The following KLC1 variants were observed in gnomAD, a reference collection of about 807,000 sequenced individuals.
KLC1 encodes the protein kinesin light chain 1, also known as kinesin 2 60/70kDa.
In KLC1, 30 loss-of-function variants were observed where a neutral mutation model predicts 84.2. The observed-to-expected ratio is 0.36, with a 90% CI of 0.27 to 0.48. The LOEUF is 0.48. Ranked by LOEUF, KLC1 falls within the 20% of genes least tolerant of loss-of-function variation. KLC1 has a pLI of 0.99. For synonymous variants in KLC1, 289 were observed against 293.3 expected (o/e 0.99, Z 0.15); for missense variants, 499 against 805.4 (o/e 0.62, Z 4.60).
At chr14:103,667,906 A>T (rs189380408) in intron 5 of KLC1, among the ~76,000 whole-genome samples, 103 of 152,342 alleles carry the variant, frequency 6.8e-4, no homozygotes, top group Non-Finnish European at 1.2e-3. Flanking sequence ...AGTAGTGAGT[A>T]GCACGCTTAA....
chr14:103,662,168 A>G lies in KLC1; in HGVS notation c.545A>G (p.Asn182Ser), dbSNP rs141303465. 5.6e-6 allele frequency: 9 copies of G among 1,613,876 alleles called. No individual in the cohort carries two copies. The highest frequency in any genetic ancestry group is 2.7e-5 in the African/African-American group (2 of 74,908). Residue 182 changes from asparagine to serine, a missense_variant, in exon 4 of 17, where the codon AAT becomes AGT. Asn to Ser is a conservative substitution (Grantham distance 46). This residue lies in a region of KLC1 where 179 missense variants were observed against 264.2 expected (regional missense o/e 0.68). Transcript: ENST00000334553. ...GAGCCTCTGGATGACCTTTTCCCCA[A>G]TGATGAAGACGACCCAGGGCAAGGA... ...TKEPLDDLFP[N>S]DEDDPGQGIQ...
At chr14:103,653,987 C>T (rs2078659879) in intron 1 of KLC1, among the ~76,000 whole-genome samples, 1 of 152,180 alleles carries the variant, frequency 6.6e-6, no homozygotes, top group Non-Finnish European at 1.5e-5. Context: ...CACCCTGGGC[C>T]TGGCCCTGGT....
chr14:103,637,700 AT>A (rs1225576929), intron 1 of KLC1, among the ~76,000 whole-genome samples: 3 of 152,076 alleles, frequency 2.0e-5, no homozygotes, highest in Admixed American at 6.6e-5. Flanking sequence ...TTTTAAAAAA[AT>A]ATTTATGTAT....
At chr14:103,648,593 G>A (rs183470272) in intron 1 of KLC1, among the ~76,000 whole-genome samples, 54 of 151,984 alleles carry the variant, frequency 3.6e-4, no homozygotes, top group Admixed American at 2.4e-3. Flanking sequence ...GGCCAGCCTC[G>A]GCAACATGGC....
intron 1 of KLC1, among the ~76,000 whole-genome samples, chr14:103,644,266 C>T (rs2077724648): frequency 7.3e-6 from 1 of 136,206 alleles, no homozygotes; most frequent in African/African-American, 2.6e-5. Flanking sequence ...TTCTACGTGA[C>T]TTTTTTTTTT....
intron 1 of KLC1, among the ~76,000 whole-genome samples, chr14:103,646,777 TTTTTTTTG>T (rs2077973135): frequency 2.0e-5 from 3 of 151,734 alleles, no homozygotes; most frequent in Non-Finnish European, 4.4e-5. Context: ...GCCTAGCTAA[TTTTTTTTG>T]TTTTTTTGTA....
chr14:103,690,533 A>G (rs1223580662), intron 14 of KLC1, among the ~76,000 whole-genome samples: 16 of 152,204 alleles, frequency 1.1e-4, no homozygotes, highest in Non-Finnish European at 1.5e-5. Context: ...GCCTCATCCC[A>G]GTGTCCTGTG....
At chr14:103,690,444 G>A (rs182651332) in intron 14 of KLC1, among the ~76,000 whole-genome samples, 8 of 152,190 alleles carry the variant, frequency 5.3e-5, no homozygotes, top group Non-Finnish European at 1.2e-4. Context: ...GTTCGGCAGG[G>A]GCTGGCTGAG....
At chr14:103,646,347 G>A (rs1274142817) in intron 1 of KLC1, among the ~76,000 whole-genome samples, 3 of 152,122 alleles carry the variant, frequency 2.0e-5, no homozygotes, top group Non-Finnish European at 4.4e-5. Flanking sequence ...TGTCACCTAC[G>A]CTGGAGTGCA....
intron 15 of KLC1, chr14:103,697,475 A>G (rs2082640742): frequency 6.6e-6 from 1 of 152,190 alleles, no homozygotes; most frequent in South Asian, 2.1e-4. Context: ...AAGCTACTTA[A>G]CGGTTCTGGG....
At chr14:103,677,392 G>A in intron 11 of KLC1, 23 bp from the exon 12 acceptor site, 1 of 1,380,508 alleles carries the variant, frequency 7.2e-7, no homozygotes, top group Non-Finnish European at 1.0e-6. Context: ...TCATAGTTCT[G>A]TATGTCATGT....
chr14:103,679,306 TAGC>T, intron 12 of KLC1, 75 bp from the exon 13 acceptor site: 4 of 1,405,386 alleles, frequency 2.8e-6, no homozygotes, highest in Admixed American at 2.2e-5. Context: ...TTTTTTTTTC[TAGC>T]GAAGTATCTC....
intron 1 of KLC1, among the ~76,000 whole-genome samples, chr14:103,642,627 T>G (rs1050400527): frequency 1.3e-5 from 2 of 152,010 alleles, no homozygotes; most frequent in Non-Finnish European, 2.9e-5. Flanking sequence ...CTTCTTCTAG[T>G]GTTTGAATGT....
In KLC1 at chr14:103,701,345, A is replaced by G. The variant is rs537396063; in HGVS notation, c.*146A>G. ...CCTGCGTCTGTGTGCATAGGACATGATACTAATAACCACACGGCTGGCGTG... is the reference window on the plus strand; with the variant it reads ...CCTGCGTCTGTGTGCATAGGACATGGTACTAATAACCACACGGCTGGCGTG... On this transcript the variant is annotated 3_prime_UTR_variant, in exon 17 of 17. Transcript: ENST00000334553. The G allele has an allele frequency of 7.9e-5, 68 of 856,864 alleles. 2 individuals are homozygous for G. The Middle Eastern group carries it at 1.2e-3, about 16-fold the overall frequency. The allele number at this position is 856,864 out of a possible 1,614,324, so 53.1% of individuals were successfully genotyped here.
intron 13 of KLC1, among the ~76,000 whole-genome samples, chr14:103,684,222 C>G (rs998642758): frequency 2.0e-5 from 3 of 152,310 alleles, no homozygotes; most frequent in Middle Eastern, 6.8e-3. Flanking sequence ...AATAAATAAA[C>G]TTAAGCACTA....
intron 1 of KLC1, among the ~76,000 whole-genome samples, chr14:103,650,641 C>T (rs1050057417): frequency 1.4e-5 from 2 of 141,890 alleles, no homozygotes; most frequent in African/African-American, 5.3e-5. Context: ...TGCAGTGGTG[C>T]GATCTCAGCT....
At chr14:103,699,447 TG>T (rs2151909371) in intron 15 of KLC1, 1 of 1,612,538 alleles carries the variant, frequency 6.2e-7, no homozygotes, top group South Asian at 1.1e-5. Context: ...TGCCTGGCCC[TG>T]GGGGCGGAGG....
intron 1 of KLC1, among the ~76,000 whole-genome samples, chr14:103,643,304 T>G (rs1265346492): frequency 6.6e-6 from 1 of 152,162 alleles, no homozygotes; most frequent in Non-Finnish European, 1.5e-5. Context: ...GTGACTTGCT[T>G]CCTAAGAGTA....
chr14:103,684,071 A>G, intron 13 of KLC1: 1 of 152,332 alleles, frequency 6.6e-6, no homozygotes, highest in Non-Finnish European at 1.5e-5. Context: ...CCAGTTACTC[A>G]GGAGGCTGAG....
Sources: gnomAD v4.1 joint callset for allele counts (sites outside exome capture counted in the v4.1 genomes callset) on GRCh38, gnomAD v4.1.1 for gene constraint, gnomAD v4.1.1 regional missense constraint, MANE v1.5 for transcripts, NCBI Gene and HGNC (gene_info 2026-07-23, HGNC 2026-07-21) for gene names.